KLHDC4: variants seen among roughly 807,000 people sequenced by gnomAD.
KLHDC4 encodes the protein kelch domain-containing protein 4.
KLHDC4 carries 90 observed loss-of-function variants against 62.4 expected under a neutral mutation model. That is an observed-to-expected ratio of 1.44 (90% CI 1.22 to 1.72). The LOEUF is 1.72. Ranked by LOEUF, KLHDC4 falls within the 40% of genes most tolerant of loss-of-function variation. The pLI is 0.00. For synonymous variants in KLHDC4, 386 were observed against 284.4 expected, an observed-to-expected ratio of 1.36 and a Z score of -3.59; for missense variants, 1,025 against 699.7, an observed-to-expected ratio of 1.47 and a Z score of -5.25.
At chr16:87,736,769 T>C (rs1470240665) in intron 5 of KLHDC4, among the ~76,000 whole-genome samples, 1 of 152,180 alleles carries the variant, frequency 6.6e-6, no homozygotes, top group Non-Finnish European at 1.5e-5. Context: ...ACAGTCCTTT[T>C]ATGTGCATTT....
intron 5 of KLHDC4, among the ~76,000 whole-genome samples, chr16:87,740,100 C>T (rs2042020884): frequency 6.6e-6 from 1 of 152,180 alleles, no homozygotes; most frequent in Non-Finnish European, 1.5e-5. Flanking sequence ...GAATCTCCCC[C>T]AACCCCCTGC....
At chr16:87,723,328 T>C (rs1438317472) in intron 7 of KLHDC4, among the ~76,000 whole-genome samples, 1 of 152,246 alleles carries the variant, frequency 6.6e-6, no homozygotes, top group Non-Finnish European at 1.5e-5. Context: ...CAAGAGCTAC[T>C]GAACTAAGTG....
chr16:87,737,138 A>G (rs1282289184), intron 5 of KLHDC4, among the ~76,000 whole-genome samples: 1 of 150,938 alleles, frequency 6.6e-6, no homozygotes, highest in Non-Finnish European at 1.5e-5. Context: ...AAGATAAGAA[A>G]ACCAAGACTA....
exon 1 of KLHDC4, chr16:87,701,368 C>G (rs376336985): frequency 6.3e-6 from 2 of 318,598 alleles, no homozygotes; most frequent in South Asian, 5.4e-5. Flanking sequence ...AAGCTGAATG[C>G]TCCTCCCAAG....
In KLHDC4 at chr16:87,726,812, C is replaced by A. The variant is rs541430221; in HGVS notation, c.712G>T (p.Val238Phe). Residue 238 changes from valine to phenylalanine, a missense_variant, in exon 7 of 12, where the codon GTC becomes TTC. Val to Phe is a conservative substitution (Grantham distance 50). Coordinates refer to ENST00000270583, the MANE Select transcript of KLHDC4 (RefSeq NM_017566.4). ...ACGACGATGCCGCCCTGGGGAGTGA[C>A]GGACATCTGGCAGCCTGATCTGGGT... ...PTPRSGCQMS[V>F]TPQGGIVVYG... 4 of 1,610,572 alleles carry A rather than the reference C, an allele frequency of 2.5e-6. No individual in the cohort carries two copies. In the South Asian group the frequency reaches 4.4e-5, roughly 18 times the overall value.
intron 4 of KLHDC4, among the ~76,000 whole-genome samples, chr16:87,749,553 CAAAAAAA>C (rs74585020): frequency 9.2e-5 from 7 of 76,148 alleles, no homozygotes; most frequent in Non-Finnish European, 1.8e-4. Context: ...GACTCCATGT[CAAAAAAA>C]AAAAAAAAAA....
intron 7 of KLHDC4, among the ~76,000 whole-genome samples, chr16:87,716,373 C>A (rs568727008): frequency 6.6e-6 from 1 of 152,206 alleles, no homozygotes; most frequent in East Asian, 1.9e-4. Flanking sequence ...CTCGTGGATA[C>A]TGACGCAGAG....
intron 1 of KLHDC4, among the ~76,000 whole-genome samples, chr16:87,762,723 T>C (rs1395531696): frequency 2.0e-5 from 3 of 152,142 alleles, no homozygotes; most frequent in Non-Finnish European, 4.4e-5. Flanking sequence ...AAGGTACTGA[T>C]GTGCCAGCAC....
intron 1 of KLHDC4, 98 bp from the exon 2 acceptor site, chr16:87,762,138 G>C (rs2045983662): frequency 6.4e-7 from 1 of 1,552,310 alleles, no homozygotes; most frequent in African/African-American, 1.4e-5. Context: ...GATTCGACTG[G>C]GCTCAGTCAC....
intron 5 of KLHDC4, among the ~76,000 whole-genome samples, chr16:87,746,203 G>A (rs541968337): frequency 2.6e-5 from 4 of 152,172 alleles, no homozygotes; most frequent in Non-Finnish European, 5.9e-5. Flanking sequence ...CCAGGAGTTT[G>A]AGGCTGCAAT....
At chr16:87,729,714 C>T (rs916754248) in intron 6 of KLHDC4, among the ~76,000 whole-genome samples, 4 of 152,222 alleles carry the variant, frequency 2.6e-5, no homozygotes, top group Non-Finnish European at 4.4e-5. Flanking sequence ...CTTCCGGCAT[C>T]GCTGTGGAGA....
downstream of KLHDC4, chr16:87,703,096 G>A (rs2034236200): frequency 6.6e-6 from 1 of 152,224 alleles, no homozygotes; most frequent in African/African-American, 2.4e-5. Flanking sequence ...CGTCTTTACT[G>A]AAGGTCCTTC....
intron 1 of KLHDC4, chr16:87,765,172 C>A (rs771601516): frequency 6.6e-5 from 30 of 455,948 alleles, no homozygotes; most frequent in South Asian, 4.6e-4. Context: ...ACACTCAACC[C>A]CAAGGTCAGG....
At chr16:87,757,452 G>GAAAAAAAAAAA (rs2045148660) in intron 2 of KLHDC4, 1 of 143,598 alleles carries the variant, frequency 7.0e-6, no homozygotes, top group African/African-American at 2.6e-5. Flanking sequence ...TGGCGACAGA[G>GAAAAAAAAAAA]CAAGATTCCA....
intron 1 of KLHDC4, among the ~76,000 whole-genome samples, chr16:87,762,306 A>C (rs1234493155): frequency 6.6e-6 from 1 of 152,152 alleles, no homozygotes; most frequent in Non-Finnish European, 1.5e-5. Flanking sequence ...AAGACCTTCC[A>C]CTTAGACAAG....
intron 5 of KLHDC4, among the ~76,000 whole-genome samples, chr16:87,735,159 G>T (rs907292754): frequency 6.6e-6 from 1 of 151,988 alleles, no homozygotes; most frequent in African/African-American, 2.4e-5. Flanking sequence ...AATTAGCCAG[G>T]CATGGTGGCG....
intron 7 of KLHDC4, among the ~76,000 whole-genome samples, chr16:87,723,677 C>A (rs921604706): frequency 6.6e-6 from 1 of 152,244 alleles, no homozygotes; most frequent in Admixed American, 6.5e-5. Context: ...CCGATCAACT[C>A]GGTACAATCT....
At chr16:87,744,192 G>GA (rs1369165073) in intron 5 of KLHDC4, among the ~76,000 whole-genome samples, 4 of 152,110 alleles carry the variant, frequency 2.6e-5, no homozygotes, top group African/African-American at 9.7e-5. Context: ...GAGGTGGGGG[G>GA]ATCACCTGAG....
At chr16:87,703,949 C>G (rs961672904), downstream of KLHDC4, among the ~76,000 whole-genome samples, 20 of 152,202 alleles carry the variant, frequency 1.3e-4, 1 homozygote, top group Non-Finnish European at 2.9e-5. Context: ...CCAGCGCCCC[C>G]GGCCTCCACA....
Sources: allele counts gnomAD v4.1 joint callset (sites outside exome capture counted in the v4.1 genomes callset), GRCh38; gene constraint gnomAD v4.1.1; transcripts MANE v1.5; gene names NCBI Gene and HGNC (gene_info 2026-07-23, HGNC 2026-07-21).